The following NRG3 variants were observed in gnomAD, a reference collection of about 807,000 sequenced individuals.
NRG3 encodes the protein pro-neuregulin-3, membrane-bound isoform.
In NRG3, 31 loss-of-function variants were observed where a neutral mutation model predicts 66.9. The ratio of observed to expected loss-of-function variants is 0.46; its 90% CI spans 0.35 to 0.63. The LOEUF is 0.63. NRG3 is among the 20% of genes least tolerant of loss of function. The probability of loss-of-function intolerance (pLI) is 0.00; values close to 1 mark genes in which losing one functional copy is unlikely to be tolerated. For synonymous variants in NRG3, 393 were observed against 359.4 expected (o/e 1.09, Z -1.06); for missense variants, 910 against 878.9 (o/e 1.04, Z -0.45).
chr10:82,893,129 A>C (rs1843319603), intron 4 of NRG3, among the ~76,000 whole-genome samples: 1 of 152,226 alleles, frequency 6.6e-6, no homozygotes, highest in Non-Finnish European at 1.5e-5. Context: ...TGATGGTCAC[A>C]TAATGAATGT....
intron 1 of NRG3, among the ~76,000 whole-genome samples, chr10:81,985,614 A>C (rs2060491018): frequency 6.6e-6 from 1 of 152,238 alleles, no homozygotes; most frequent in African/African-American, 2.4e-5. Flanking sequence ...TTGGGGATAT[A>C]ATTGAAAAGT....
Position 81,883,980 on chromosome 10 carries a change from C to T in NRG3, c.823+7817C>T, listed in dbSNP as rs9943390. On this transcript the variant is annotated intron_variant, in intron 1 of 8. Transcript: ENST00000372141. ...TGGGCATGTAGCACTGTACATTCTT[C>T]GTGTTATTTATTTTTGAAATAAGGA... Among the ~76,000 whole-genome samples, 813 of 152,242 alleles carry T rather than the reference C, an allele frequency of 5.3e-3. 6 individuals are homozygous for T. Among genetic ancestry groups the T allele is most frequent in the African/African-American group, 0.019 (776 of 41,548 alleles).
chr10:82,366,423 C>G (rs2084528518), intron 2 of NRG3, among the ~76,000 whole-genome samples: 1 of 152,170 alleles, frequency 6.6e-6, no homozygotes, highest in Non-Finnish European at 1.5e-5. Flanking sequence ...TGTATATTCT[C>G]AGGACTCAGA....
intron 1 of NRG3, among the ~76,000 whole-genome samples, chr10:82,258,290 T>C (rs1371724291): frequency 6.6e-6 from 1 of 152,228 alleles, no homozygotes; most frequent in Non-Finnish European, 1.5e-5. Context: ...TTTTTAGGTG[T>C]CCTCTGTTTT....
chr10:82,043,604 A>G (rs1334004387), intron 1 of NRG3, among the ~76,000 whole-genome samples: 1 of 151,958 alleles, frequency 6.6e-6, no homozygotes, highest in Admixed American at 6.6e-5. Context: ...TGCACACTGG[A>G]GAATCATCCT....
At chr10:81,894,644 A>G (rs925665947) in intron 1 of NRG3, among the ~76,000 whole-genome samples, 2 of 152,210 alleles carry the variant, frequency 1.3e-5, no homozygotes, top group African/African-American at 4.8e-5. Flanking sequence ...AAAATAATTT[A>G]AAACAGTCTA....
intron 3 of NRG3, among the ~76,000 whole-genome samples, chr10:82,822,082 G>C (rs1475148040): frequency 6.6e-6 from 1 of 152,094 alleles, no homozygotes; most frequent in Non-Finnish European, 1.5e-5. Context: ...GAAACATAGA[G>C]GGTTTATGTT....
intron 2 of NRG3, among the ~76,000 whole-genome samples, chr10:82,366,914 C>T (rs1374701753): frequency 3.9e-5 from 6 of 152,240 alleles, no homozygotes; most frequent in African/African-American, 1.4e-4. Context: ...ATCTGCTTTA[C>T]GAAAGCCTAC....
chr10:82,847,308 G>A (rs2063350676), intron 3 of NRG3, among the ~76,000 whole-genome samples: 1 of 152,174 alleles, frequency 6.6e-6, no homozygotes. Flanking sequence ...GCAAAATTCA[G>A]GATTTTAGTT....
intron 1 of NRG3, among the ~76,000 whole-genome samples, chr10:82,142,354 A>C (rs1241281659): frequency 6.6e-6 from 1 of 152,156 alleles, no homozygotes; most frequent in Non-Finnish European, 1.5e-5. Context: ...AATAGCAAAT[A>C]GTCAACCTGG....
In NRG3 at chr10:81,875,313, G is replaced by A; in HGVS notation, c.-28G>A. On this transcript the variant is annotated 5_prime_UTR_variant, in exon 1 of 9. Transcript: ENST00000372141. The surrounding 1 kb of genome is among the most constrained non-coding windows in gnomAD (Gnocchi z 5.3). ...CCATGCCTCTGCCGCGGCCCTCGGG[G>A]GGGCGAAGGTGAAGACCGGCTCCTA... The A allele has an allele frequency of 1.0e-6, 1 of 984,410 alleles. No individual in the cohort carries two copies. The highest frequency in any genetic ancestry group is 1.2e-6 in the Non-Finnish European group (1 of 830,576). 61.0% of individuals were successfully genotyped at this position (984,410 alleles called of 1,614,324 possible).
intron 1 of NRG3, among the ~76,000 whole-genome samples, chr10:82,129,592 G>T (rs2068676221): frequency 6.6e-6 from 1 of 151,570 alleles, no homozygotes; most frequent in African/African-American, 2.4e-5. Flanking sequence ...TATATATATT[G>T]TTGAGATGGA....
chr10:82,019,053 G>T (rs979865783), intron 1 of NRG3, among the ~76,000 whole-genome samples: 4 of 152,122 alleles, frequency 2.6e-5, no homozygotes, highest in East Asian at 3.9e-4. Context: ...GCCCATTGAG[G>T]ATGATATTGG....
intron 2 of NRG3, among the ~76,000 whole-genome samples, chr10:82,553,409 T>C (rs1019634854): frequency 3.9e-5 from 6 of 152,124 alleles, no homozygotes; most frequent in African/African-American, 1.4e-4. Flanking sequence ...TTCTCTTTTA[T>C]ATCATATCCA....
intron 1 of NRG3, among the ~76,000 whole-genome samples, chr10:81,894,408 A>T (rs1259480457): frequency 9.9e-5 from 15 of 152,144 alleles, no homozygotes; most frequent in African/African-American, 2.4e-5. Flanking sequence ...CAAGATCAAG[A>T]GTCTGCAGCA....
intron 1 of NRG3, among the ~76,000 whole-genome samples, chr10:82,219,192 A>G (rs888471654): frequency 6.6e-6 from 1 of 150,442 alleles, no homozygotes; most frequent in Non-Finnish European, 1.5e-5. Flanking sequence ...CAACCTTAAC[A>G]TTATTAAATT....
At chr10:81,912,077 C>T (rs1266643338) in intron 1 of NRG3, among the ~76,000 whole-genome samples, 1 of 152,124 alleles carries the variant, frequency 6.6e-6, no homozygotes, top group Non-Finnish European at 1.5e-5. Context: ...CAGGGTAATG[C>T]TTTCCAGATA....
chr10:81,994,896 T>C (rs1437125987), intron 1 of NRG3, among the ~76,000 whole-genome samples: 1 of 152,188 alleles, frequency 6.6e-6, no homozygotes, highest in Non-Finnish European at 1.5e-5. Context: ...ATGGTAGCTC[T>C]TGAGTTCTAA....
chr10:82,070,538 T>A (rs1589993742), intron 1 of NRG3, among the ~76,000 whole-genome samples: 1 of 152,286 alleles, frequency 6.6e-6, no homozygotes, highest in East Asian at 1.9e-4. Flanking sequence ...TGTTAAATGT[T>A]ATTGTGTCAG....
Sources: allele counts gnomAD v4.1 joint callset (sites outside exome capture counted in the v4.1 genomes callset), GRCh38; gene constraint gnomAD v4.1.1; non-coding constraint Gnocchi (gnomAD v3.1); transcripts MANE v1.5; gene names NCBI Gene and HGNC (gene_info 2026-07-23, HGNC 2026-07-21).